Variants in STYK1 observed in about 807,000 individuals in gnomAD.
The protein encoded by STYK1 is STY kinase 1.
In STYK1, 46 loss-of-function variants were observed where a neutral mutation model predicts 48.1. The ratio of observed to expected loss-of-function variants is 0.96; its 90% CI spans 0.75 to 1.22. The LOEUF (loss-of-function observed/expected upper bound fraction) is 1.22. STYK1 is among the 50% of genes most tolerant of loss of function. STYK1 has a pLI of 0.00. For missense variants in STYK1, 527 were observed against 521.1 expected (o/e 1.01, Z -0.11); for synonymous variants, 188 against 189.0 (o/e 0.99, Z 0.04).
At chr12:10,639,692 G>T (rs1381644576) in intron 1 of STYK1, among the ~76,000 whole-genome samples, 3 of 152,172 alleles carry the variant, frequency 2.0e-5, no homozygotes, top group African/African-American at 7.2e-5. Context: ...GGGATTACAG[G>T]CGTGAGCCAC....
At chr12:10,662,631 C>A (rs7970299) in intron 1 of STYK1, among the ~76,000 whole-genome samples, 82,575 of 151,650 alleles carry the variant, frequency 0.54, 23,125 homozygotes, top group East Asian at 0.77. Flanking sequence ...AACATCTTTT[C>A]ATGTGCTCAT....
At position 10,624,739 on chromosome 12, in the gene STYK1, C is replaced by T. The variant is rs781509569; in HGVS notation, c.838G>A (p.Gly280Arg). 6.2e-7 allele frequency: 1 copy of T among 1,614,114 alleles called. No individual in the cohort carries two copies. Among genetic ancestry groups the T allele is most frequent in the Non-Finnish European group, 8.5e-7 (1 of 1,180,018 alleles). The change falls in exon 8 of 11, where the codon GGG (glycine) becomes AGG (arginine). Residue 280 changes from glycine (G) to arginine (R), a missense_variant. By Grantham distance (125) the Gly-to-Arg change is moderately radical. Coordinates refer to ENST00000075503, the MANE Select transcript of STYK1 (RefSeq NM_018423.3). ...LGLAYEVYTR[G>R]AISSTQTIPL... ...ATGGTTTGAGTAGAGGAGATGGCCC[C>T]TCGGGTGTAAACTTCATAAGCCAGG...
chr12:10,623,780 A>C (rs1237289117), intron 8 of STYK1, among the ~76,000 whole-genome samples: 1 of 152,200 alleles, frequency 6.6e-6, no homozygotes, highest in East Asian at 1.9e-4. Flanking sequence ...ATGCTACCTA[A>C]AATCATTCTG....
intron 1 of STYK1, among the ~76,000 whole-genome samples, chr12:10,654,062 T>C (rs530003464): frequency 6.6e-6 from 1 of 152,180 alleles, no homozygotes; most frequent in East Asian, 1.9e-4. Flanking sequence ...GAAAGTGACC[T>C]CTGGTCATCC....
intron 1 of STYK1, among the ~76,000 whole-genome samples, chr12:10,662,240 A>ACC (rs1165665216): frequency 2.9e-5 from 3 of 102,694 alleles, no homozygotes; most frequent in African/African-American, 9.4e-5. Flanking sequence ...GTATGGATAT[A>ACC]CACAGATTCT....
At chr12:10,633,413 C>A (rs1484591006) in intron 4 of STYK1, among the ~76,000 whole-genome samples, 1 of 152,118 alleles carries the variant, frequency 6.6e-6, no homozygotes, top group African/African-American at 2.4e-5. Flanking sequence ...AAGGATTAGC[C>A]ACTATAGAGT....
intron 6 of STYK1, 109 bp downstream of exon 6, chr12:10,629,384 G>T: frequency 9.0e-7 from 1 of 1,113,354 alleles, no homozygotes. Context: ...ATTCTGTCAT[G>T]CTATTATAGT....
intron 1 of STYK1, among the ~76,000 whole-genome samples, chr12:10,647,808 G>C (rs975975445): frequency 6.6e-6 from 1 of 152,132 alleles, no homozygotes; most frequent in Non-Finnish European, 1.5e-5. Context: ...CACGAGATCT[G>C]ATGGTTTTAT....
At chr12:10,649,571 A>T (rs903418383) in intron 1 of STYK1, among the ~76,000 whole-genome samples, 3 of 152,206 alleles carry the variant, frequency 2.0e-5, no homozygotes, top group Non-Finnish European at 4.4e-5. Flanking sequence ...TGTTACAGCA[A>T]CAGTGATGAT....
chr12:10,622,744 G>A lies in STYK1; in HGVS notation c.927-66C>T, dbSNP rs1367315252. 14 of 1,591,694 alleles carry A rather than the reference G, an allele frequency of 8.8e-6. No individual in the cohort carries two copies. The African/African-American group carries it at 1.7e-4, about 20-fold the overall frequency. ...GTTTTTCTAAAGAGAGCTCATTTAA[G>A]TGTCAGAAGCCTTTAATAAGAGCCC... On this transcript the variant is annotated intron_variant, in intron 8 of 10. Coordinates refer to ENST00000075503, the MANE Select transcript of STYK1 (RefSeq NM_018423.3).
chr12:10,653,036 C>T (rs1450369461), intron 1 of STYK1, among the ~76,000 whole-genome samples: 1 of 151,996 alleles, frequency 6.6e-6, no homozygotes, highest in Non-Finnish European at 1.5e-5. Flanking sequence ...CAATGACTTC[C>T]TGTGTGACCT....
At chr12:10,647,011 G>T (rs1014134322) in intron 1 of STYK1, among the ~76,000 whole-genome samples, 1 of 152,364 alleles carries the variant, frequency 6.6e-6, no homozygotes, top group African/African-American at 2.4e-5. Flanking sequence ...CTATGCAAAA[G>T]TTTCCTGCAG....
intron 1 of STYK1, among the ~76,000 whole-genome samples, chr12:10,669,307 C>G (rs557141421): frequency 3.9e-5 from 6 of 151,956 alleles, no homozygotes; most frequent in Non-Finnish European, 8.8e-5. Context: ...TACATGGTAC[C>G]CAGGTTTCTG....
intron 1 of STYK1, among the ~76,000 whole-genome samples, chr12:10,659,661 G>A (rs2120781456): frequency 6.6e-6 from 1 of 152,280 alleles, no homozygotes; most frequent in East Asian, 1.9e-4. Flanking sequence ...CCATGGCTGA[G>A]CTCAAGGAGT....
chr12:10,663,767 T>C (rs1947805321), intron 1 of STYK1, among the ~76,000 whole-genome samples: 1 of 150,292 alleles, frequency 6.7e-6, no homozygotes, highest in South Asian at 2.1e-4. Context: ...GGAATTTTGA[T>C]AGGGATTATG....
intron 3 of STYK1, 117 bp downstream of exon 3, chr12:10,634,450 T>C (rs1947464105): frequency 8.6e-7 from 1 of 1,163,168 alleles, no homozygotes; most frequent in Non-Finnish European, 1.3e-6. Context: ...CATCCTTTTA[T>C]CACCACTGTC....
At chr12:10,630,053 GA>G (rs1947406595) in intron 5 of STYK1, among the ~76,000 whole-genome samples, 6 of 21,482 alleles carry the variant, frequency 2.8e-4, no homozygotes, top group Admixed American at 6.5e-4. Context: ...GAGAGAGAGA[GA>G]GAGAGAGAGA....
chr12:10,621,968 T>C lies in STYK1; in HGVS notation c.972A>G (p.Ala324=). The change falls in exon 10 of 11, where the codon GCA becomes GCG. Residue 324 remains alanine (A), a synonymous_variant. Transcript: ENST00000075503. ...TAGGAGGGACTTCAGGATACGGTGG[T>C]GCTCCTGTCATTACGAAAATAATGA... ...ILLYEMVTLG[A]PPYPEVPPTS... The C allele has an allele frequency of 6.2e-7, 1 of 1,612,934 alleles. No individual in the cohort carries two copies. Among genetic ancestry groups the C allele is most frequent in the South Asian group, 1.1e-5 (1 of 91,032 alleles).
chr12:10,670,342 A>G (rs144109482), intron 1 of STYK1, among the ~76,000 whole-genome samples: 6 of 152,314 alleles, frequency 3.9e-5, no homozygotes, highest in African/African-American at 7.2e-5. Flanking sequence ...ATGTCCATCA[A>G]TGGATAAATG....
Sources: allele counts gnomAD v4.1 joint callset (sites outside exome capture counted in the v4.1 genomes callset), GRCh38; gene constraint gnomAD v4.1.1; transcripts MANE v1.5; gene names NCBI Gene and HGNC (gene_info 2026-07-23, HGNC 2026-07-21).